The following CEP112 variants were observed in gnomAD, a reference collection of about 807,000 sequenced individuals.
The protein encoded by CEP112 is centrosomal protein 112, also known as centrosomal protein of 112 kDa.
Under a neutral mutation model 153.0 loss-of-function variants are expected in CEP112, and 127 were observed. The ratio of observed to expected loss-of-function variants is 0.83; its 90% CI spans 0.72 to 0.96. CEP112 has a LOEUF of 0.96. CEP112 is among the 40% of genes least tolerant of loss of function. CEP112 has a pLI of 0.00. For synonymous variants in CEP112, 358 were observed against 374.4 expected, an observed-to-expected ratio of 0.96 and a Z score of 0.51; for missense variants, 1,089 against 1,101.2, an observed-to-expected ratio of 0.99 and a Z score of 0.16.
At chr17:66,186,801 A>G (rs2072953285) in intron 1 of CEP112, among the ~76,000 whole-genome samples, 1 of 152,196 alleles carries the variant, frequency 6.6e-6, no homozygotes, top group South Asian at 2.1e-4. Context: ...AACTTTTCCC[A>G]AATATCCTAC....
intron 23 of CEP112, among the ~76,000 whole-genome samples, chr17:65,701,558 C>T (rs991562693): frequency 2.0e-4 from 31 of 152,146 alleles, no homozygotes; most frequent in Admixed American, 1.3e-4. Flanking sequence ...ATATGGGCAA[C>T]AGAAACACTA....
rs140728771 is a variant in CEP112, at chr17:65,951,590, T to G, written c.1872+9873A>C. Among the ~76,000 whole-genome samples, 129 of 152,272 alleles carry G rather than the reference T, an allele frequency of 8.5e-4. 1 individual carries two copies. Among genetic ancestry groups the G allele is most frequent in the African/African-American group, 3.0e-3 (123 of 41,570 alleles). Reference sequence around the variant, plus strand: ...GGTATCCTATCCTTTGACTCCTAACTTTGGCAATTTCTAACTCCTCGTTTT... The same window carrying G: ...GGTATCCTATCCTTTGACTCCTAACGTTGGCAATTTCTAACTCCTCGTTTT... On this transcript the variant is annotated intron_variant, in intron 18 of 26. Coordinates refer to ENST00000535342, the MANE Select transcript of CEP112 (RefSeq NM_001199165.4).
intron 12 of CEP112, among the ~76,000 whole-genome samples, chr17:66,039,831 C>G (rs1550649): frequency 0.52 from 78,400 of 151,916 alleles, 21,112 homozygotes; most frequent in African/African-American, 0.59. Flanking sequence ...TGGAATCACA[C>G]AGTATGTAAC....
chr17:65,992,275 T>G (rs555490575), intron 17 of CEP112, among the ~76,000 whole-genome samples: 20 of 152,260 alleles, frequency 1.3e-4, no homozygotes, highest in Admixed American at 5.2e-4. Context: ...ATGAAGAAGA[T>G]TTAAAAGTGT....
intron 20 of CEP112, among the ~76,000 whole-genome samples, chr17:65,897,449 A>T (rs999817989): frequency 6.6e-6 from 1 of 152,132 alleles, no homozygotes; most frequent in African/African-American, 2.4e-5. Context: ...ATTCAGAGAC[A>T]AGAAAATCAG....
intron 19 of CEP112, among the ~76,000 whole-genome samples, chr17:65,923,521 GGA>G (rs1474859820): frequency 6.6e-6 from 1 of 152,010 alleles, no homozygotes; most frequent in Admixed American, 6.5e-5. Context: ...CTCCTGCCTG[GGA>G]GACAGAGCAA....
intron 6 of CEP112, among the ~76,000 whole-genome samples, chr17:66,112,062 G>A (rs980527615): frequency 5.9e-5 from 9 of 151,812 alleles, no homozygotes; most frequent in Admixed American, 1.3e-4. Context: ...AGGCTGAGGC[G>A]GGCAGATCAC....
At chr17:65,778,386 T>G (rs969433550) in intron 21 of CEP112, among the ~76,000 whole-genome samples, 1 of 152,232 alleles carries the variant, frequency 6.6e-6, no homozygotes, top group Non-Finnish European at 1.5e-5. Context: ...CATGACTAGT[T>G]CATATGCTAA....
At chr17:66,162,819 G>C (rs1470039340) in intron 4 of CEP112, among the ~76,000 whole-genome samples, 1 of 152,120 alleles carries the variant, frequency 6.6e-6, no homozygotes, top group Non-Finnish European at 1.5e-5. Context: ...GACCTGGAAA[G>C]AGATTTCACA....
At chr17:65,894,680 A>C (rs77297643) in intron 20 of CEP112, among the ~76,000 whole-genome samples, 2,537 of 152,222 alleles carry the variant, frequency 0.017, 80 homozygotes, top group African/African-American at 0.057. Flanking sequence ...CGCTGTTTTT[A>C]TCAAGACTGG....
intron 16 of CEP112, among the ~76,000 whole-genome samples, chr17:66,011,699 G>A (rs1398460653): frequency 6.6e-6 from 1 of 152,044 alleles, no homozygotes; most frequent in Non-Finnish European, 1.5e-5. Flanking sequence ...CTGTTGTTTT[G>A]GGTAGAGTGT....
At chr17:66,007,211 A>C (rs2064313618) in intron 16 of CEP112, among the ~76,000 whole-genome samples, 1 of 152,172 alleles carries the variant, frequency 6.6e-6, no homozygotes, top group Non-Finnish European at 1.5e-5. Flanking sequence ...GATAATCTCA[A>C]AAGTAAGAAT....
intron 6 of CEP112, among the ~76,000 whole-genome samples, chr17:66,097,538 A>G (rs1023509125): frequency 4.6e-5 from 7 of 152,184 alleles, no homozygotes; most frequent in African/African-American, 1.7e-4. Context: ...AGTAACCTGT[A>G]CCTGATTCCA....
intron 1 of CEP112, among the ~76,000 whole-genome samples, chr17:66,185,244 A>T (rs1268946436): frequency 6.6e-6 from 1 of 152,214 alleles, no homozygotes; most frequent in Non-Finnish European, 1.5e-5. Flanking sequence ...TTTTTGAGAC[A>T]GAGTCTTGCT....
intron 4 of CEP112, among the ~76,000 whole-genome samples, chr17:66,152,415 C>G (rs114369298): frequency 6.6e-6 from 1 of 152,106 alleles, no homozygotes; most frequent in Non-Finnish European, 1.5e-5. Context: ...TAAGTGCTGT[C>G]GCTCTTAGGT....
chr17:65,872,628 G>C (rs2058701735), intron 20 of CEP112, among the ~76,000 whole-genome samples: 2 of 152,090 alleles, frequency 1.3e-5, no homozygotes, highest in South Asian at 4.2e-4. Flanking sequence ...CAAAACCATG[G>C]ACACCAATAG....
chr17:65,657,264 T>A (rs2046109437), intron 24 of CEP112, among the ~76,000 whole-genome samples: 1 of 152,244 alleles, frequency 6.6e-6, no homozygotes, highest in Non-Finnish European at 1.5e-5. Context: ...TTTGGTCTCA[T>A]TTCTAATGTT....
intron 16 of CEP112, among the ~76,000 whole-genome samples, chr17:66,022,253 T>C (rs2065027000): frequency 6.6e-6 from 1 of 152,130 alleles, no homozygotes; most frequent in African/African-American, 2.4e-5. Flanking sequence ...AGAAAAAAAG[T>C]TACATTTCAA....
At chr17:66,121,767 C>A (rs879588668) in intron 6 of CEP112, among the ~76,000 whole-genome samples, 2 of 151,314 alleles carry the variant, frequency 1.3e-5, no homozygotes, top group African/African-American at 2.4e-5. Context: ...AGTGGCTATG[C>A]CTCCTGAGGA....
Sources: allele counts gnomAD v4.1 joint callset (sites outside exome capture counted in the v4.1 genomes callset), GRCh38; gene constraint gnomAD v4.1.1; transcripts MANE v1.5; gene names NCBI Gene and HGNC (gene_info 2026-07-23, HGNC 2026-07-21).